RUFY2: variants seen among roughly 807,000 people sequenced by gnomAD.
The protein encoded by RUFY2 is RUN and FYVE domain containing 2, also known as RUN and FYVE domain-containing protein 2.
RUFY2 carries 49 observed loss-of-function variants against 94.4 expected under a neutral mutation model. That is an observed-to-expected ratio of 0.52 (90% confidence interval 0.41 to 0.66). The LOEUF (loss-of-function observed/expected upper bound fraction) is 0.66. Among genes scored for constraint, RUFY2 ranks in the 30% least tolerant of loss-of-function variants. RUFY2 has a pLI of 0.00. For synonymous variants in RUFY2, 255 were observed against 235.7 expected (o/e 1.08, Z -0.75); for missense variants, 541 against 692.8 (o/e 0.78, Z 2.46).
chr10:68,357,540 T>C (rs2132406969), intron 15 of RUFY2, among the ~76,000 whole-genome samples: 1 of 152,040 alleles, frequency 6.6e-6, no homozygotes. Flanking sequence ...CCCCAGTTGG[T>C]ATAATTTAAA....
chr10:68,366,801 T>TATA (rs1554881641), intron 13 of RUFY2, among the ~76,000 whole-genome samples: 9 of 15,584 alleles, frequency 5.8e-4, no homozygotes, highest in Non-Finnish European at 1.3e-3. Context: ...ATATATAATA[T>TATA]ATATAATATA....
intron 16 of RUFY2, among the ~76,000 whole-genome samples, chr10:68,355,098 C>T (rs538130210): frequency 7.7e-4 from 117 of 152,232 alleles, no homozygotes; most frequent in African/African-American, 2.7e-3. Flanking sequence ...CCACCTGCCT[C>T]GGCCTCCCAA....
chr10:68,343,072 T>C (rs2046060310), downstream of RUFY2: 1 of 152,220 alleles, frequency 6.6e-6, no homozygotes, highest in African/African-American at 2.4e-5. Context: ...TTGATCAATA[T>C]GGCTTTTTTC....
chr10:68,404,600 T>C (rs2051125934), intron 2 of RUFY2, 71 bp downstream of exon 2: 1 of 1,130,194 alleles, frequency 8.8e-7, no homozygotes, highest in African/African-American at 1.6e-5. Context: ...CCTCAAAAAA[T>C]AACCCATTCT....
rs146945686 is a variant in RUFY2, at chr10:68,383,975, C to A, written c.823-61G>T. The A allele has an allele frequency of 2.0e-5, 32 of 1,571,252 alleles. No individual in the cohort carries two copies. The East Asian group carries it at 6.5e-4, about 32-fold the overall frequency. On this transcript the variant is annotated intron_variant, in intron 9 of 17. Coordinates refer to ENST00000602465, the MANE Select transcript of RUFY2 (RefSeq NM_001330103.2). ...CTACTATTAATACAGCATAGAAATA[C>A]CTACTTCATCCAAAAATCCCCAAAA...
chr10:68,341,586 A>G, downstream of RUFY2: 1 of 1,598,274 alleles, frequency 6.3e-7, no homozygotes, highest in Non-Finnish European at 8.6e-7. Context: ...TTCTTAAAGA[A>G]CATCGATATA....
downstream of RUFY2, chr10:68,343,309 T>C (rs1022276780): frequency 1.3e-5 from 2 of 152,260 alleles, no homozygotes; most frequent in Admixed American, 6.6e-5. Context: ...GGGCAGCCTA[T>C]ATATGTGGAG....
chr10:68,393,912 A>C (rs1198670324), intron 6 of RUFY2, 163 bp downstream of exon 6: 7 of 1,370,218 alleles, frequency 5.1e-6, no homozygotes, highest in South Asian at 1.4e-5. Flanking sequence ...GATTTTCCAT[A>C]ATCTGCTTTG....
At chr10:68,396,024 GTC>G (rs1444157365) in intron 4 of RUFY2, among the ~76,000 whole-genome samples, 29 of 152,088 alleles carry the variant, frequency 1.9e-4, no homozygotes, top group African/African-American at 5.6e-4. Context: ...TTGAGACAGG[GTC>G]TCACTCTTAT....
chr10:68,379,791 T>G (rs1032101233), intron 11 of RUFY2, among the ~76,000 whole-genome samples: 20 of 151,912 alleles, frequency 1.3e-4, no homozygotes, highest in Admixed American at 5.3e-4. Context: ...AATTGTGTGA[T>G]ATAAAGCAGT....
intron 13 of RUFY2, among the ~76,000 whole-genome samples, chr10:68,366,985 TG>T (rs1459637272): frequency 6.6e-6 from 1 of 150,430 alleles, no homozygotes; most frequent in African/African-American, 2.4e-5. Flanking sequence ...CTGGCCAACA[TG>T]GTGAAACCCT....
chr10:68,406,617 G>A (rs1291602651), intron 1 of RUFY2: 2 of 817,404 alleles, frequency 2.4e-6, no homozygotes, highest in East Asian at 3.2e-5. Context: ...GGCCGCAGGC[G>A]CGCAAGGAGT....
At chr10:68,389,267 C>T (rs570431339) in intron 7 of RUFY2, among the ~76,000 whole-genome samples, 3 of 152,310 alleles carry the variant, frequency 2.0e-5, no homozygotes, top group African/African-American at 7.2e-5. Flanking sequence ...CTGATTAACA[C>T]ACATGATTTA....
intron 8 of RUFY2, among the ~76,000 whole-genome samples, chr10:68,384,632 T>C (rs921087029): frequency 1.3e-5 from 2 of 152,194 alleles, no homozygotes; most frequent in African/African-American, 2.4e-5. Flanking sequence ...AGTCTAGACA[T>C]GTAACAGGAA....
At chr10:68,352,270 G>A (rs1296680034) in intron 16 of RUFY2, among the ~76,000 whole-genome samples, 1 of 152,014 alleles carries the variant, frequency 6.6e-6, no homozygotes, top group East Asian at 1.9e-4. Flanking sequence ...CTCCAGATGT[G>A]TAAATTCTTA....
intron 13 of RUFY2, among the ~76,000 whole-genome samples, chr10:68,372,157 C>T (rs2048322985): frequency 6.6e-6 from 1 of 152,090 alleles, no homozygotes; most frequent in African/African-American, 2.4e-5. Flanking sequence ...GCCTGTAATC[C>T]TAACACTTTG....
intron 3 of RUFY2, among the ~76,000 whole-genome samples, chr10:68,400,410 C>A (rs1484315141): frequency 6.6e-6 from 1 of 152,116 alleles, no homozygotes; most frequent in Non-Finnish European, 1.5e-5. Context: ...GGCACGGTGG[C>A]TCACGCCTGT....
At chr10:68,366,759 T>TATATATTATATATATAA (rs1235098742) in intron 13 of RUFY2, among the ~76,000 whole-genome samples, 1 of 131,868 alleles carries the variant, frequency 7.6e-6, no homozygotes, top group South Asian at 2.4e-4. Flanking sequence ...TATATATATA[T>TATATATTATATATATAA]AATATTAAAT....
intron 14 of RUFY2, 121 bp from the exon 15 acceptor site, chr10:68,363,805 G>A: frequency 1.2e-6 from 1 of 838,538 alleles, no homozygotes. Flanking sequence ...AACAAATTGT[G>A]TCCAAAGCTC....
Sources: gnomAD v4.1 joint callset for allele counts (sites outside exome capture counted in the v4.1 genomes callset) on GRCh38, gnomAD v4.1.1 for gene constraint, MANE v1.5 for transcripts, NCBI Gene and HGNC (gene_info 2026-07-23, HGNC 2026-07-21) for gene names.